GALNTL6: variants seen among roughly 807,000 people sequenced by gnomAD.
GALNTL6 encodes polypeptide N-acetylgalactosaminyltransferase-like 6.
GALNTL6 carries 46 observed loss-of-function variants against 73.7 expected under a neutral mutation model. The observed-to-expected ratio is 0.62, with a 90% CI of 0.49 to 0.80. The LOEUF (loss-of-function observed/expected upper bound fraction) is 0.80, where lower values mean the gene tolerates loss of function less well. Among genes scored for constraint, GALNTL6 ranks in the 30% least tolerant of loss-of-function variants. The pLI, the probability that GALNTL6 is intolerant of heterozygous loss-of-function variation, is 0.00. For synonymous variants in GALNTL6, 259 were observed against 263.7 expected (o/e 0.98, Z 0.17); for missense variants, 604 against 755.0 (o/e 0.80, Z 2.34).
chr4:171,950,708 G>C lies in GALNTL6; in HGVS notation c.138+135990G>C, dbSNP rs534483760. On this transcript the variant is annotated intron_variant, in intron 2 of 12. Coordinates refer to ENST00000506823, the MANE Select transcript of GALNTL6 (RefSeq NM_001034845.3). ...TCAGCCAGGCTGGTCTCGATCCCCT[G>C]ACCTTGTGATCCGCCCGCCTCGGCC... Among the ~76,000 whole-genome samples, 13 of 152,122 alleles carry C rather than the reference G, an allele frequency of 8.5e-5. No homozygotes were observed. In the East Asian group the frequency reaches 2.1e-3, roughly 25 times the overall value.
At chr4:172,494,867 G>A (rs967929936) in intron 5 of GALNTL6, among the ~76,000 whole-genome samples, 8 of 152,162 alleles carry the variant, frequency 5.3e-5, no homozygotes, top group Non-Finnish European at 1.0e-4. Flanking sequence ...TTGAGGGTGG[G>A]TCTGCCTTTC....
At chr4:173,012,178 C>CA (rs1242502945) in intron 11 of GALNTL6, among the ~76,000 whole-genome samples, 1 of 152,064 alleles carries the variant, frequency 6.6e-6, no homozygotes, top group Admixed American at 6.5e-5. Context: ...TTATGAAAAG[C>CA]AAAAAAGCAA....
chr4:171,969,997 C>A (rs1390814085), intron 2 of GALNTL6, among the ~76,000 whole-genome samples: 1 of 152,140 alleles, frequency 6.6e-6, no homozygotes, highest in Non-Finnish European at 1.5e-5. Flanking sequence ...TCTTGAACTC[C>A]TGACCTCAGG....
intron 3 of GALNTL6, among the ~76,000 whole-genome samples, chr4:172,274,043 A>G (rs1453891838): frequency 1.3e-5 from 2 of 152,186 alleles, no homozygotes; most frequent in East Asian, 1.9e-4. Flanking sequence ...ATATGAACCT[A>G]TTTATACTTT....
intron 5 of GALNTL6, among the ~76,000 whole-genome samples, chr4:172,721,415 AAACTTTCT>A (rs1246334982): frequency 1.3e-5 from 2 of 152,204 alleles, no homozygotes; most frequent in Non-Finnish European, 2.9e-5. Context: ...AAGAATAAAC[AAACTTTCT>A]TATGTATTAA....
At chr4:171,893,537 T>C (rs1736820074) in intron 2 of GALNTL6, among the ~76,000 whole-genome samples, 1 of 152,128 alleles carries the variant, frequency 6.6e-6, no homozygotes, top group South Asian at 2.1e-4. Flanking sequence ...GTATTTTACA[T>C]AGATGTAGAA....
intron 5 of GALNTL6, among the ~76,000 whole-genome samples, chr4:172,468,495 T>C (rs1732922155): frequency 6.6e-6 from 1 of 152,256 alleles, no homozygotes; most frequent in Non-Finnish European, 1.5e-5. Flanking sequence ...AAGTAAATTG[T>C]CCTTCCTGTA....
chr4:172,732,747 T>C (rs1469097422), intron 5 of GALNTL6, among the ~76,000 whole-genome samples: 1 of 152,162 alleles, frequency 6.6e-6, no homozygotes, highest in Non-Finnish European at 1.5e-5. Context: ...ATTTTATTGA[T>C]GAAACAAGTT....
rs188286865 is a variant in GALNTL6, at chr4:172,487,241, T to G, written c.553+138552T>G. Among the ~76,000 whole-genome samples the G allele has an allele frequency of 3.5e-4, 52 of 150,502 alleles. No homozygotes were observed. In the East Asian group the frequency reaches 9.5e-3, roughly 28 times the overall value. On this transcript the variant is annotated intron_variant, in intron 5 of 12. Transcript: ENST00000506823. ...TTCCTTCCTTCCTTCCTTCCTGTCT[T>G]TCTTTCTTTCTTCCTTCCTTCCTTC...
At chr4:172,618,916 G>T (rs1738847101) in intron 5 of GALNTL6, among the ~76,000 whole-genome samples, 1 of 152,008 alleles carries the variant, frequency 6.6e-6, no homozygotes, top group Admixed American at 6.6e-5. Flanking sequence ...TAAAGACGGG[G>T]TTTCACCATG....
At chr4:172,726,325 C>G (rs1163665200) in intron 5 of GALNTL6, among the ~76,000 whole-genome samples, 8 of 152,176 alleles carry the variant, frequency 5.3e-5, no homozygotes, top group African/African-American at 1.9e-4. Flanking sequence ...TGCCGACCCC[C>G]GAGTAGGAGG....
At chr4:172,528,380 T>A (rs1425957163) in intron 5 of GALNTL6, among the ~76,000 whole-genome samples, 2 of 143,754 alleles carry the variant, frequency 1.4e-5, no homozygotes, top group African/African-American at 5.2e-5. Flanking sequence ...ATTTTTTAGA[T>A]AGAGCCTTGC....
At chr4:172,110,278 G>A (rs1334616687) in intron 2 of GALNTL6, among the ~76,000 whole-genome samples, 6 of 152,144 alleles carry the variant, frequency 3.9e-5, no homozygotes, top group Non-Finnish European at 7.4e-5. Context: ...TAATGAAGAT[G>A]TGAATTGTTC....
At chr4:172,206,931 C>T (rs1036966831) in intron 2 of GALNTL6, among the ~76,000 whole-genome samples, 3 of 150,396 alleles carry the variant, frequency 2.0e-5, no homozygotes, top group East Asian at 2.0e-4. Flanking sequence ...TATTCTCGTG[C>T]CTCAGCCTCC....
At chr4:172,674,102 C>G (rs1457427263) in intron 5 of GALNTL6, among the ~76,000 whole-genome samples, 1 of 152,130 alleles carries the variant, frequency 6.6e-6, no homozygotes, top group African/African-American at 2.4e-5. Context: ...TGGCTGCTAA[C>G]AGTCTTTTCT....
chr4:172,903,161 T>G (rs147968304), intron 8 of GALNTL6, among the ~76,000 whole-genome samples: 1 of 148,270 alleles, frequency 6.7e-6, no homozygotes, highest in African/African-American at 2.6e-5. Flanking sequence ...AATTAACATA[T>G]TGAATCATAA....
At position 172,598,853 on chromosome 4, in the gene GALNTL6, A is replaced by G. The variant is rs371178816; in HGVS notation, c.554-210508A>G. Among the ~76,000 whole-genome samples, 3 of 152,252 alleles carry G rather than the reference A, an allele frequency of 2.0e-5. No individual in the cohort carries two copies. The South Asian group carries it at 6.2e-4, about 32-fold the overall frequency. Reference sequence around the variant, plus strand: ...AGTAATTAATGCCACTCACTTTATCAACTATATCATCAATATTTCAAATTG... The same window carrying G: ...AGTAATTAATGCCACTCACTTTATCGACTATATCATCAATATTTCAAATTG... On this transcript the variant is annotated intron_variant, in intron 5 of 12. Coordinates refer to ENST00000506823, the MANE Select transcript of GALNTL6 (RefSeq NM_001034845.3).
At chr4:171,869,293 C>T (rs1228402718) in intron 2 of GALNTL6, among the ~76,000 whole-genome samples, 13 of 152,072 alleles carry the variant, frequency 8.5e-5, no homozygotes, top group Non-Finnish European at 1.6e-4. Context: ...ATAAAACAGG[C>T]TTCTTAAAAT....
chr4:172,167,140 C>G (rs1024905523), intron 2 of GALNTL6, among the ~76,000 whole-genome samples: 1 of 152,176 alleles, frequency 6.6e-6, no homozygotes, highest in African/African-American at 2.4e-5. Context: ...TTTAAAACCT[C>G]CTGGTACATA....
Sources: allele counts gnomAD v4.1 joint callset (sites outside exome capture counted in the v4.1 genomes callset), GRCh38; gene constraint gnomAD v4.1.1; transcripts MANE v1.5; gene names NCBI Gene and HGNC (gene_info 2026-07-23, HGNC 2026-07-21).